Variants in COBL observed in about 807,000 individuals in gnomAD.
The protein encoded by COBL is cordon-bleu WH2 repeat protein.
In COBL, 51 loss-of-function variants were observed where a neutral mutation model predicts 98.8. That is an observed-to-expected ratio of 0.52 (90% CI 0.41 to 0.65). COBL has a LOEUF of 0.65. COBL is among the 30% of genes least tolerant of loss of function. COBL has a pLI of 0.00. For synonymous variants in COBL, 634 were observed against 651.7 expected, an observed-to-expected ratio of 0.97 and a Z score of 0.41; for missense variants, 1,617 against 1,617.5, an observed-to-expected ratio of 1.00 and a Z score of 0.01.
At chr7:51,269,645 G>A (rs963400053) in intron 1 of COBL, among the ~76,000 whole-genome samples, 3 of 152,208 alleles carry the variant, frequency 2.0e-5, no homozygotes, top group Non-Finnish European at 4.4e-5. Context: ...TTAAACCAGA[G>A]GACAGCAAAT....
Position 51,316,803 on chromosome 7 carries a change from C to A in COBL, c.-170G>T. The A allele has an allele frequency of 2.3e-6, 1 of 433,514 alleles. No homozygotes were observed. Among genetic ancestry groups the A allele is most frequent in the South Asian group, 1.1e-4 (1 of 9,426 alleles). 26.9% of individuals were successfully genotyped at this position (433,514 alleles called of 1,614,324 possible). A position where few individuals can be genotyped will look rare whatever the true frequency, so the allele number is the denominator to read the frequency against. On this transcript the variant is annotated 5_prime_UTR_variant, in exon 1 of 13. Coordinates refer to ENST00000265136, the MANE Select transcript of COBL (RefSeq NM_015198.5). ...CGCGGCGGACGGAAGGGGCTGGAAT[C>A]GTCTCTAGCGGGCGGGGGCGCCGGG...
chr7:51,300,009 A>C (rs1801781471), intron 1 of COBL, among the ~76,000 whole-genome samples: 1 of 152,164 alleles, frequency 6.6e-6, no homozygotes, highest in Admixed American at 6.5e-5. Flanking sequence ...GCTGGCCTCA[A>C]GGCCCTGCAA....
At chr7:51,036,642 C>T (rs866611855) in intron 8 of COBL, among the ~76,000 whole-genome samples, 1 of 152,090 alleles carries the variant, frequency 6.6e-6, no homozygotes, top group Non-Finnish European at 1.5e-5. Flanking sequence ...CTTCTGCAGC[C>T]ATCATCCCCA....
chr7:51,293,606 G>C (rs1463918620), intron 1 of COBL, among the ~76,000 whole-genome samples: 1 of 152,184 alleles, frequency 6.6e-6, no homozygotes, highest in East Asian at 1.9e-4. Context: ...CTCAACTGTG[G>C]TAACAGTTTC....
chr7:51,080,486 T>C (rs1024798673), intron 7 of COBL, among the ~76,000 whole-genome samples: 10 of 152,162 alleles, frequency 6.6e-5, no homozygotes, highest in Non-Finnish European at 1.5e-4. Context: ...CGAGATCCCA[T>C]AAAGAGAAAC....
At position 51,029,369 on chromosome 7, in the gene COBL, C is replaced by T; in HGVS notation, c.1727G>A (p.Arg576Lys). 6.2e-7 allele frequency: 1 copy of T among 1,609,010 alleles called. No homozygotes were observed. The highest frequency in any genetic ancestry group is 8.5e-7 in the Non-Finnish European group (1 of 1,176,406). ...SFDSEGVASR[R>K]DSLAPLQAEH... ...AGCTTGAAGTGGCGCCAGGGAGTCT[C>T]TCCTGCTGGCAACACCCTCCGAGTC... is the stretch of plus-strand genomic sequence containing the variant. Residue 576 changes from arginine (R) to lysine (K), a missense_variant, in exon 10 of 13, where the codon AGA becomes AAA. Arg to Lys is a conservative substitution (Grantham distance 26, BLOSUM62 2). Transcript: ENST00000265136.
chr7:51,096,972 G>A (rs77121588), intron 6 of COBL, among the ~76,000 whole-genome samples: 1 of 152,034 alleles, frequency 6.6e-6, no homozygotes, highest in African/African-American at 2.4e-5. Flanking sequence ...TGAGGAGGAA[G>A]ACTTCCAGAC....
At chr7:51,135,719 A>G (rs1799170033) in intron 6 of COBL, among the ~76,000 whole-genome samples, 1 of 152,204 alleles carries the variant, frequency 6.6e-6, no homozygotes, top group Non-Finnish European at 1.5e-5. Flanking sequence ...CACATGCGGC[A>G]AGAGTTAGGA....
chr7:51,259,587 A>G, intron 1 of COBL: 3 of 745,118 alleles, frequency 4.0e-6, no homozygotes, highest in Non-Finnish European at 7.2e-6. Context: ...ATGCTTCTCC[A>G]GGAAGGCAAT....
At chr7:51,303,175 G>A (rs534978421) in intron 1 of COBL, among the ~76,000 whole-genome samples, 84 of 152,208 alleles carry the variant, frequency 5.5e-4, no homozygotes, top group Non-Finnish European at 8.5e-4. Flanking sequence ...ACATTCGGAT[G>A]CAGAGATAGA....
At chr7:51,237,766 A>G (rs1795408181) in intron 1 of COBL, among the ~76,000 whole-genome samples, 1 of 152,240 alleles carries the variant, frequency 6.6e-6, no homozygotes, top group Non-Finnish European at 1.5e-5. Flanking sequence ...CGTGTTCAGT[A>G]ATGAAAACAA....
intron 12 of COBL, 152 bp from the exon 13 acceptor site, chr7:51,017,720 T>A: frequency 1.3e-6 from 1 of 794,958 alleles, no homozygotes; most frequent in Non-Finnish European, 2.1e-6. Context: ...AAGGAGGCTG[T>A]GATCAGGGCT....
intron 1 of COBL, among the ~76,000 whole-genome samples, chr7:51,244,081 C>T (rs776181569): frequency 2.0e-5 from 3 of 152,176 alleles, no homozygotes; most frequent in African/African-American, 4.8e-5. Context: ...GCTCTGCCCA[C>T]GCCCTCCTCT....
chr7:51,310,956 G>A (rs1004516757), intron 1 of COBL, among the ~76,000 whole-genome samples: 5 of 151,798 alleles, frequency 3.3e-5, no homozygotes, highest in East Asian at 1.9e-4. Context: ...GAGCCCGGCC[G>A]GTTGTATTTT....
Position 51,025,253 on chromosome 7 carries a change from T to TGGGG in COBL, c.3620_3623dup (p.Pro1210ThrfsTer79). The TGGGG allele has an allele frequency of 2.9e-6, 1 of 339,498 alleles. No homozygotes were observed. The highest frequency in any genetic ancestry group is 6.6e-5 in the East Asian group (1 of 15,164). The allele number at this position is 339,498 out of a possible 1,614,324, so 21.0% of individuals were successfully genotyped here. A position where few individuals can be genotyped will look rare whatever the true frequency, so the allele number is the denominator to read the frequency against. The stretch of plus-strand genomic sequence containing the variant: ...GAGCCTGGGAGGGTGGAGGGGGTGG[T>TGGGG]GGGGGAATGGCTGGTGGGGACAGAA... On this transcript the variant is annotated frameshift_variant, in exon 12 of 13. Transcript: ENST00000265136. LOFTEE classifies it high-confidence loss of function.
intron 1 of COBL, among the ~76,000 whole-genome samples, chr7:51,262,319 C>T (rs1202337731): frequency 4.6e-5 from 7 of 152,126 alleles, no homozygotes; most frequent in African/African-American, 1.7e-4. Flanking sequence ...TTCAAAGGAG[C>T]CCCAGGAGGT....
chr7:51,247,192 A>G (rs1295155476), intron 1 of COBL, among the ~76,000 whole-genome samples: 1 of 152,202 alleles, frequency 6.6e-6, no homozygotes, highest in African/African-American at 2.4e-5. Flanking sequence ...GAGGCCATCC[A>G]TGGAGAAGAC....
chr7:51,191,074 G>C lies in COBL; in HGVS notation c.461C>G (p.Ser154Cys). The C allele has an allele frequency of 6.2e-7, 1 of 1,613,740 alleles. No individual in the cohort carries two copies. The highest frequency in any genetic ancestry group is 1.1e-5 in the South Asian group (1 of 90,926). The stretch of plus-strand genomic sequence containing the variant: ...CAGGTAATTCACGACCAAACGCACA[G>C]ATTTCTGGAAGAACACACAGGCAAA... ...KPGPPKVPEK[S>C]VRLVVNYLRT... is the part of the protein sequence containing the mutation. The change falls in exon 4 of 13, where the codon TCT becomes TGT. Residue 154 changes from serine to cysteine, a missense_variant. Coordinates refer to ENST00000265136, the MANE Select transcript of COBL (RefSeq NM_015198.5).
chr7:51,124,804 T>TTTTC (rs142393479), intron 6 of COBL, among the ~76,000 whole-genome samples: 7 of 152,130 alleles, frequency 4.6e-5, no homozygotes, highest in Admixed American at 6.5e-5. Context: ...TTCCAATTTT[T>TTTTC]TTTCTTTCTT....
Sources: allele counts gnomAD v4.1 joint callset (sites outside exome capture counted in the v4.1 genomes callset), GRCh38; gene constraint gnomAD v4.1.1; transcripts MANE v1.5; gene names NCBI Gene and HGNC (gene_info 2026-07-23, HGNC 2026-07-21).